CFAP54: variants seen among roughly 807,000 people sequenced by gnomAD.
CFAP54 encodes the protein cilia and flagella associated protein 54, also known as cilia- and flagella-associated protein 54.
Under a neutral mutation model 370.4 loss-of-function variants are expected in CFAP54, and 290 were observed. The ratio of observed to expected loss-of-function variants is 0.78; its 90% CI spans 0.71 to 0.86. The LOEUF is 0.86. Among genes scored for constraint, CFAP54 ranks in the 40% least tolerant of loss-of-function variants. CFAP54 has a pLI of 0.00. For missense variants in CFAP54, 3,399 were observed against 3,528.7 expected, an observed-to-expected ratio of 0.96 and a Z score of 0.93; for synonymous variants, 1,206 against 1,236.5, an observed-to-expected ratio of 0.98 and a Z score of 0.52.
intron 50 of CFAP54, among the ~76,000 whole-genome samples, chr12:96,732,927 A>C (rs1009652661): frequency 1.3e-5 from 2 of 152,118 alleles, no homozygotes; most frequent in Admixed American, 1.3e-4. Flanking sequence ...CAATACCTTC[A>C]TTCTTTCCCC....
chr12:96,769,440 C>G (rs1057292218), intron 60 of CFAP54, among the ~76,000 whole-genome samples: 2 of 152,130 alleles, frequency 1.3e-5, no homozygotes, highest in Non-Finnish European at 2.9e-5. Context: ...GGATGGGGAG[C>G]AGGGAGCTGA....
chr12:96,797,391 C>G (rs1307065054), intron 63 of CFAP54, among the ~76,000 whole-genome samples: 1 of 151,878 alleles, frequency 6.6e-6, no homozygotes. Flanking sequence ...ATTTCGTCTG[C>G]CTTTTTTAAA....
intron 63 of CFAP54, among the ~76,000 whole-genome samples, chr12:96,794,893 CAG>C (rs1261083688): frequency 1.3e-5 from 2 of 152,152 alleles, no homozygotes; most frequent in Non-Finnish European, 2.9e-5. Context: ...ATCTGGGACT[CAG>C]GGGCTTCTGT....
intron 46 of CFAP54, among the ~76,000 whole-genome samples, chr12:96,703,415 T>G (rs1176312715): frequency 6.6e-6 from 1 of 152,094 alleles, no homozygotes. Flanking sequence ...GGTACTTGAG[T>G]AGGACACCAT....
intron 60 of CFAP54, among the ~76,000 whole-genome samples, chr12:96,768,805 T>C (rs2136675941): frequency 6.6e-6 from 1 of 152,320 alleles, no homozygotes; most frequent in South Asian, 2.1e-4. Context: ...ACAGGCAGGA[T>C]GGCATATGAG....
At chr12:96,851,397 A>G (rs551080339) in intron 66 of CFAP54, among the ~76,000 whole-genome samples, 2 of 152,232 alleles carry the variant, frequency 1.3e-5, no homozygotes, top group African/African-American at 4.8e-5. Context: ...AGTTTTTCCA[A>G]ATAATAAAGC....
chr12:96,791,030 G>C (rs906163968), intron 62 of CFAP54, among the ~76,000 whole-genome samples: 1 of 152,120 alleles, frequency 6.6e-6, no homozygotes, highest in Non-Finnish European at 1.5e-5. Context: ...ATTTCTTTCT[G>C]GCCACTGACA....
At chr12:96,491,207 AG>A (rs1166580585) in intron 1 of CFAP54, among the ~76,000 whole-genome samples, 4 of 152,158 alleles carry the variant, frequency 2.6e-5, no homozygotes, top group African/African-American at 9.7e-5. Context: ...CTTTTGAGAA[AG>A]ATGAGAAAGA....
rs58264783 is a variant in CFAP54 at position 96,505,502 on chromosome 12, C to CTT, written c.568-1409_568-1408dup. Among the ~76,000 whole-genome samples, 475 of 133,464 alleles carry CTT rather than the reference C, an allele frequency of 3.6e-3. 7 individuals carry two copies. The highest frequency in any genetic ancestry group is 0.011 in the African/African-American group (384 of 35,674). The allele number at this position is 133,464 out of a possible 152,430, so 87.6% of individuals were successfully genotyped here. On this transcript the variant is annotated intron_variant, in intron 3 of 67. Transcript: ENST00000524981. ...CTGGGTCACCCCTATAATAGCCTCA[C>CTT]TTTTTTTTTTTTTTTTTTGAGACCG... is the stretch of plus-strand genomic sequence containing the variant.
chr12:96,638,845 A>G (rs942891466), intron 32 of CFAP54, among the ~76,000 whole-genome samples: 2 of 152,172 alleles, frequency 1.3e-5, no homozygotes, highest in African/African-American at 2.4e-5. Context: ...GTTAGTGGGC[A>G]TATTTGTCTG....
intron 46 of CFAP54, among the ~76,000 whole-genome samples, 165 bp from the exon 47 acceptor site, chr12:96,704,578 T>C (rs1054190717): frequency 2.0e-5 from 3 of 148,770 alleles, no homozygotes; most frequent in Non-Finnish European, 4.5e-5. Flanking sequence ...AGTTGACTTA[T>C]GTATGATTTT....
At chr12:96,490,480 C>T (rs1340724936) in intron 1 of CFAP54, among the ~76,000 whole-genome samples, 1 of 152,126 alleles carries the variant, frequency 6.6e-6, no homozygotes, top group East Asian at 1.9e-4. Context: ...ATACTCATAA[C>T]ATGGAAAGTT....
chr12:96,818,031 T>C lies in CFAP54; in HGVS notation c.9096+118T>C, dbSNP rs1327656884. On this transcript the variant is annotated intron_variant, in intron 65 of 67. Coordinates refer to ENST00000524981, the MANE Select transcript of CFAP54 (RefSeq NM_001306084.2). ...TCTTCTGCCTCTAGTTTATTCAGAG[T>C]ACGAGACATGACTCAACTTTTTGAC... The C allele has an allele frequency of 3.5e-5, 26 of 745,334 alleles. No individual in the cohort carries two copies. In the East Asian group the frequency reaches 7.2e-4, roughly 21 times the overall value. The allele number at this position is 745,334 out of a possible 1,614,324, so 46.2% of individuals were successfully genotyped here.
chr12:96,517,047 T>G (rs1955244171), intron 5 of CFAP54, among the ~76,000 whole-genome samples: 2 of 152,128 alleles, frequency 1.3e-5, no homozygotes, highest in South Asian at 4.1e-4. Context: ...ATGTATCCTA[T>G]TAAATTTTTT....
chr12:96,542,398 C>T (rs535748815), intron 14 of CFAP54, among the ~76,000 whole-genome samples: 15 of 152,260 alleles, frequency 9.9e-5, no homozygotes, highest in Admixed American at 6.5e-4. Context: ...CTCTGGCCAT[C>T]GAACACATTC....
At chr12:96,733,102 G>T (rs1957940134) in intron 50 of CFAP54, among the ~76,000 whole-genome samples, 1 of 152,188 alleles carries the variant, frequency 6.6e-6, no homozygotes, top group African/African-American at 2.4e-5. Context: ...TATGCAAATA[G>T]TGTGCAAGTA....
rs1565926192 is a variant in CFAP54 at position 96,644,337 on chromosome 12, C to G, written c.4476C>G (p.His1492Gln). The change falls in exon 33 of 68, where the codon CAC (histidine) becomes CAG (glutamine). Residue 1492 changes from histidine to glutamine, a missense_variant. Transcript: ENST00000524981. The stretch of plus-strand genomic sequence containing the variant: ...TGAACCTGTATCTAGCAGGTGCACA[C>G]TTTAACCTGGTTTTACAAAAGCTAT... ...AQMNLYLAGA[H>Q]FNLVLQKLWE... 6.5e-7 allele frequency: 1 copy of G among 1,535,976 alleles called. No individual in the cohort carries two copies. The highest frequency in any genetic ancestry group is 2.4e-5 in the East Asian group (1 of 40,906).
intron 26 of CFAP54, among the ~76,000 whole-genome samples, chr12:96,609,221 T>C (rs1202622087): frequency 6.6e-6 from 1 of 152,230 alleles, no homozygotes; most frequent in Non-Finnish European, 1.5e-5. Context: ...CCTTCTCTGC[T>C]CCTGAATGGC....
chr12:96,681,279 G>T (rs1303631897), intron 40 of CFAP54, among the ~76,000 whole-genome samples: 2 of 151,744 alleles, frequency 1.3e-5, no homozygotes, highest in Non-Finnish European at 2.9e-5. Flanking sequence ...ATCTATACTA[G>T]CTTCTTTCTC....
Sources: gnomAD v4.1 joint callset for allele counts (sites outside exome capture counted in the v4.1 genomes callset) on GRCh38, gnomAD v4.1.1 for gene constraint, MANE v1.5 for transcripts, NCBI Gene and HGNC (gene_info 2026-07-23, HGNC 2026-07-21) for gene names.